IGF2BP3: variants seen among roughly 807,000 people sequenced by gnomAD.
IGF2BP3 encodes the protein insulin like growth factor 2 mRNA binding protein 3.
Under a neutral mutation model 73.8 loss-of-function variants are expected in IGF2BP3, and 9 were observed. That is an observed-to-expected ratio of 0.12 (90% confidence interval 0.07 to 0.21). IGF2BP3 has a LOEUF of 0.21. Ranked by LOEUF, IGF2BP3 falls within the 10% of genes least tolerant of loss-of-function variation. The pLI is 1.00. For synonymous variants in IGF2BP3, 258 were observed against 256.7 expected, an observed-to-expected ratio of 1.01 and a Z score of -0.05; for missense variants, 542 against 714.0, an observed-to-expected ratio of 0.76 and a Z score of 2.75.
At chr7:23,395,478 C>G (rs1024770986) in intron 3 of IGF2BP3, among the ~76,000 whole-genome samples, 1 of 152,020 alleles carries the variant, frequency 6.6e-6, no homozygotes, top group African/African-American at 2.4e-5. Context: ...TCAATGACCT[C>G]GGGCCAAGTG....
At chr7:23,335,254 C>G (rs1199829141) in intron 10 of IGF2BP3, among the ~76,000 whole-genome samples, 1 of 151,240 alleles carries the variant, frequency 6.6e-6, no homozygotes, top group Non-Finnish European at 1.5e-5. Flanking sequence ...CCCTGAAACA[C>G]TCATCTGATT....
chr7:23,391,424 G>A (rs1422113346), intron 3 of IGF2BP3, among the ~76,000 whole-genome samples: 4 of 152,250 alleles, frequency 2.6e-5, no homozygotes, highest in South Asian at 2.1e-4. Flanking sequence ...TAAAATCTCA[G>A]TTGTAAGGTT....
intron 2 of IGF2BP3, among the ~76,000 whole-genome samples, chr7:23,449,549 T>C (rs1220101157): frequency 1.6e-5 from 2 of 123,896 alleles, no homozygotes; most frequent in African/African-American, 5.9e-5. Flanking sequence ...TTCCTTTTTC[T>C]TTTTCTTTTT....
intron 10 of IGF2BP3, among the ~76,000 whole-genome samples, chr7:23,323,278 T>G (rs919816612): frequency 2.0e-5 from 3 of 148,748 alleles, no homozygotes; most frequent in Non-Finnish European, 4.4e-5. Flanking sequence ...TCCCAGTCTC[T>G]GATAAAACAG....
intron 2 of IGF2BP3, among the ~76,000 whole-genome samples, chr7:23,427,065 C>A (rs1214835804): frequency 6.6e-6 from 1 of 152,180 alleles, no homozygotes; most frequent in Non-Finnish European, 1.5e-5. Flanking sequence ...ACAATCAATC[C>A]CACACACATT....
At chr7:23,354,837 C>T (rs1002067369) in intron 5 of IGF2BP3, among the ~76,000 whole-genome samples, 1 of 152,172 alleles carries the variant, frequency 6.6e-6, no homozygotes, top group Non-Finnish European at 1.5e-5. Flanking sequence ...GTGTACCTGA[C>T]TGTCTAATTG....
chr7:23,458,001 G>T (rs1788361160), intron 2 of IGF2BP3, among the ~76,000 whole-genome samples: 1 of 152,106 alleles, frequency 6.6e-6, no homozygotes, highest in Non-Finnish European at 1.5e-5. Flanking sequence ...GATCTTCCAT[G>T]TTTCTGTTAT....
At chr7:23,468,459 G>A (rs1410570115) in intron 2 of IGF2BP3, 23 bp downstream of exon 2, 3 of 1,613,510 alleles carry the variant, frequency 1.9e-6, no homozygotes, top group Non-Finnish European at 2.5e-6. Flanking sequence ...ACAGAATCGG[G>A]GCAAACAGAA....
Position 23,428,266 on chromosome 7 carries a change from T to C in IGF2BP3, c.237-9442A>G, listed in dbSNP as rs143618578. 5.6e-3 allele frequency among the ~76,000 whole-genome samples: 853 copies of C among 151,838 alleles called. 12 individuals carry two copies. The highest frequency in any genetic ancestry group is 0.02 in the African/African-American group (808 of 41,380). On this transcript the variant is annotated intron_variant, in intron 2 of 14. Coordinates refer to ENST00000258729, the MANE Select transcript of IGF2BP3 (RefSeq NM_006547.3). ...GCAGGCAGATCACGAGGTCAGGAGA[T>C]TGAGAACATCCTGGCTAACACGGTG...
chr7:23,369,741 G>C (rs1183007522), intron 3 of IGF2BP3, among the ~76,000 whole-genome samples: 1 of 151,930 alleles, frequency 6.6e-6, no homozygotes, highest in African/African-American at 2.4e-5. Flanking sequence ...TTAAAAAACT[G>C]TCTTTGACCT....
At chr7:23,439,554 CAAAAAA>C (rs11332929) in intron 2 of IGF2BP3, among the ~76,000 whole-genome samples, 1,091 of 56,722 alleles carry the variant, frequency 0.019, 5 homozygotes, top group Non-Finnish European at 0.029. Context: ...GACTCCGTCT[CAAAAAA>C]AAAAAAAAAA....
intron 3 of IGF2BP3, among the ~76,000 whole-genome samples, chr7:23,406,185 G>T (rs1786824384): frequency 6.6e-6 from 1 of 152,136 alleles, no homozygotes; most frequent in South Asian, 2.1e-4. Context: ...GTTCCAAGGG[G>T]ATGGATTGAA....
At chr7:23,418,614 G>T (rs1787258638) in intron 3 of IGF2BP3, among the ~76,000 whole-genome samples, 162 bp downstream of exon 3, 1 of 152,106 alleles carries the variant, frequency 6.6e-6, no homozygotes, top group Admixed American at 6.6e-5. Context: ...AAGATACACT[G>T]TGCCCTTACT....
chr7:23,465,531 C>T (rs1443532752), intron 2 of IGF2BP3, among the ~76,000 whole-genome samples: 1 of 148,304 alleles, frequency 6.7e-6, no homozygotes. Context: ...GGTCCCCCCC[C>T]AAGCTCCACT....
At chr7:23,318,009 G>A (rs1480095172) in intron 11 of IGF2BP3, among the ~76,000 whole-genome samples, 2 of 152,132 alleles carry the variant, frequency 1.3e-5, no homozygotes, top group East Asian at 1.9e-4. Flanking sequence ...ATGCGGAAAT[G>A]GAAGGCTGGA....
intron 3 of IGF2BP3, among the ~76,000 whole-genome samples, chr7:23,407,766 T>C (rs1291906935): frequency 6.6e-6 from 1 of 151,988 alleles, no homozygotes; most frequent in Non-Finnish European, 1.5e-5. Flanking sequence ...GTTACCCTGA[T>C]AACAAAATCA....
chr7:23,423,441 C>G (rs1434418164), intron 2 of IGF2BP3, among the ~76,000 whole-genome samples: 1 of 152,164 alleles, frequency 6.6e-6, no homozygotes. Flanking sequence ...TAGAGTGTTT[C>G]TATCATATTA....
intron 3 of IGF2BP3, among the ~76,000 whole-genome samples, chr7:23,389,693 A>T (rs949472267): frequency 1.7e-4 from 26 of 152,044 alleles, no homozygotes; most frequent in Non-Finnish European, 2.5e-4. Context: ...TAGAACTGAG[A>T]GTCAAAAATA....
At chr7:23,351,676 C>T in intron 5 of IGF2BP3, 90 bp from the exon 6 acceptor site, 2 of 1,372,546 alleles carry the variant, frequency 1.5e-6, no homozygotes, top group Non-Finnish European at 2.0e-6. Flanking sequence ...TTCTACTCAG[C>T]ATTACTAGCT....
Sources: allele counts gnomAD v4.1 joint callset (sites outside exome capture counted in the v4.1 genomes callset), GRCh38; gene constraint gnomAD v4.1.1; transcripts MANE v1.5; gene names NCBI Gene and HGNC (gene_info 2026-07-23, HGNC 2026-07-21).